Variants in DEPDC5 observed in about 807,000 individuals in gnomAD.
DEPDC5 encodes GATOR1 complex protein DEPDC5.
A neutral mutation model predicts 217.3 loss-of-function variants in DEPDC5; 73 were observed. That is an observed-to-expected ratio of 0.34 (90% CI 0.28 to 0.41). The LOEUF is 0.41. DEPDC5 is among the 10% of genes least tolerant of loss of function. The pLI is 1.00. For synonymous variants in DEPDC5, 733 were observed against 756.7 expected (o/e 0.97, Z 0.51); for missense variants, 1,675 against 2,070.1 (o/e 0.81, Z 3.70).
At chr22:31,890,954 G>A (rs2093426924) in intron 38 of DEPDC5, 2 of 169,690 alleles carry the variant, frequency 1.2e-5, no homozygotes. Flanking sequence ...CTGACCTCAG[G>A]TGATCCGCCT....
chr22:31,771,145 T>C (rs1385078023), intron 7 of DEPDC5, among the ~76,000 whole-genome samples: 2 of 152,218 alleles, frequency 1.3e-5, no homozygotes, highest in Non-Finnish European at 1.5e-5. Flanking sequence ...GGTGATTTTC[T>C]TTCCTTTTTT....
intron 33 of DEPDC5, among the ~76,000 whole-genome samples, chr22:31,868,944 C>G (rs918080632): frequency 4.6e-5 from 7 of 152,020 alleles, no homozygotes; most frequent in Non-Finnish European, 8.8e-5. Context: ...TATAATCCTG[C>G]CTCCAGGACC....
intron 14 of DEPDC5, among the ~76,000 whole-genome samples, chr22:31,802,124 A>G (rs538532671): frequency 5.4e-4 from 68 of 126,890 alleles, no homozygotes; most frequent in Admixed American, 8.1e-4. Context: ...AACAGCATGA[A>G]TTTTTTTTTT....
intron 30 of DEPDC5, among the ~76,000 whole-genome samples, chr22:31,845,592 C>T (rs2091681026): frequency 6.6e-6 from 1 of 152,176 alleles, no homozygotes; most frequent in African/African-American, 2.4e-5. Flanking sequence ...AGTCCTTCCT[C>T]ACTCTTCTTG....
intron 31 of DEPDC5, among the ~76,000 whole-genome samples, chr22:31,850,872 C>T (rs1235086602): frequency 6.6e-6 from 1 of 152,128 alleles, no homozygotes; most frequent in Non-Finnish European, 1.5e-5. Flanking sequence ...AGATTGAGAC[C>T]ATCCTGGCCA....
intron 14 of DEPDC5, among the ~76,000 whole-genome samples, chr22:31,802,425 C>T (rs1312688696): frequency 6.6e-6 from 1 of 152,124 alleles, no homozygotes; most frequent in African/African-American, 2.4e-5. Flanking sequence ...CCACCATACC[C>T]AGCCCTCACA....
Position 31,878,047 on chromosome 22 carries a change from C to T in DEPDC5, c.3806-1478C>T, listed in dbSNP as rs138922243. Among the ~76,000 whole-genome samples the T allele has an allele frequency of 1.4e-3, 209 of 151,912 alleles. 2 individuals carry two copies. In the East Asian group the frequency reaches 0.033, roughly 24 times the overall value. On this transcript the variant is annotated intron_variant, in intron 37 of 42. Transcript: ENST00000651528. The stretch of plus-strand genomic sequence containing the variant: ...CTAAAAAATACAAAAATTAGCTGGG[C>T]GTGGTGGCGCACGCCTGTAGACCCA...
chr22:31,885,514 A>G (rs1338366196), intron 38 of DEPDC5, among the ~76,000 whole-genome samples: 1 of 151,844 alleles, frequency 6.6e-6, no homozygotes, highest in Non-Finnish European at 1.5e-5. Context: ...TCACAAGGTC[A>G]GGAGATTGAG....
intron 38 of DEPDC5, among the ~76,000 whole-genome samples, chr22:31,889,308 A>T (rs568392150): frequency 6.6e-6 from 1 of 152,370 alleles, no homozygotes; most frequent in Admixed American, 6.5e-5. Context: ...AAACATATGT[A>T]CTGCCAAATC....
chr22:31,811,540 T>G (rs749553038), intron 20 of DEPDC5, among the ~76,000 whole-genome samples: 1 of 151,554 alleles, frequency 6.6e-6, no homozygotes, highest in South Asian at 2.1e-4. Context: ...GGTGTTTTGG[T>G]CATATGGTAG....
At chr22:31,901,913 C>A in intron 41 of DEPDC5, 111 bp downstream of exon 41, 1 of 964,126 alleles carries the variant, frequency 1.0e-6, no homozygotes, top group Non-Finnish European at 1.6e-6. Context: ...GGATGTATTC[C>A]ACCAATGGCA....
chr22:31,797,854 G>T, intron 13 of DEPDC5, 151 bp downstream of exon 13: 1 of 652,778 alleles, frequency 1.5e-6, no homozygotes. Flanking sequence ...GGATCCAATT[G>T]TACATTTCGT....
chr22:31,843,600 G>A (rs921026053), intron 28 of DEPDC5, 45 bp from the exon 29 acceptor site: 1 of 1,570,246 alleles, frequency 6.4e-7, no homozygotes, highest in Non-Finnish European at 8.7e-7. Context: ...GCAGGAATTT[G>A]TCTCTAACTC....
chr22:31,878,528 C>T (rs1395457913), intron 37 of DEPDC5, among the ~76,000 whole-genome samples: 2 of 147,540 alleles, frequency 1.4e-5, no homozygotes, highest in Non-Finnish European at 3.0e-5. Context: ...AGAAACATAG[C>T]GAAACCCCAT....
At chr22:31,898,961 G>A (rs956166657) in intron 40 of DEPDC5, among the ~76,000 whole-genome samples, 5 of 152,160 alleles carry the variant, frequency 3.3e-5, no homozygotes, top group African/African-American at 1.2e-4. Flanking sequence ...GTTCATATGG[G>A]GCAGTTTTAA....
chr22:31,789,011 C>G (rs1380028573), intron 10 of DEPDC5, among the ~76,000 whole-genome samples: 1 of 152,170 alleles, frequency 6.6e-6, no homozygotes, highest in Non-Finnish European at 1.5e-5. Context: ...ATTCTCGTCC[C>G]TCAGCCTGCC....
intron 27 of DEPDC5, among the ~76,000 whole-genome samples, chr22:31,840,624 T>TTAGTG (rs1337940272): frequency 1.3e-5 from 2 of 152,348 alleles, no homozygotes; most frequent in African/African-American, 4.8e-5. Context: ...GAGCCTCATG[T>TTAGTG]GATGGTTAGT....
intron 22 of DEPDC5, 118 bp downstream of exon 22, chr22:31,819,343 T>C: frequency 9.2e-7 from 1 of 1,091,700 alleles, no homozygotes; most frequent in Non-Finnish European, 1.3e-6. Context: ...TAAGATGGGA[T>C]AACCATGCCC....
rs1306949358 is a variant in DEPDC5 at position 31,758,610 on chromosome 22, T to G, written c.123T>G (p.Ile41Met). ...TCAAGCTTGGAGACATTGTAGAGATTGCACACCCCAACGATGAATACAGGT... is the reference window on the plus strand; with the variant it reads ...TCAAGCTTGGAGACATTGTAGAGATGGCACACCCCAACGATGAATACAGGT... ...PHIKLGDIVEIAHPNDEYSPL... is the reference protein window; with the variant it reads ...PHIKLGDIVEMAHPNDEYSPL... The change falls in exon 3 of 43, where the codon ATT (isoleucine) becomes ATG (methionine). Residue 41 changes from isoleucine to methionine, a missense_variant. Around this residue, in one of 11 missense-constraint regions of DEPDC5, gnomAD observed 628 missense variants for 762.1 expected, o/e 0.82. Transcript: ENST00000651528. 3 of 1,614,154 alleles carry G rather than the reference T, an allele frequency of 1.9e-6. No homozygotes were observed. The highest frequency in any genetic ancestry group is 2.5e-6 in the Non-Finnish European group (3 of 1,180,024).
Sources: allele counts gnomAD v4.1 joint callset (sites outside exome capture counted in the v4.1 genomes callset), GRCh38; gene constraint gnomAD v4.1.1; regional missense constraint gnomAD v4.1.1; transcripts MANE v1.5; gene names NCBI Gene and HGNC (gene_info 2026-07-23, HGNC 2026-07-21).